PLPPR3: variants seen among roughly 807,000 people sequenced by gnomAD.
PLPPR3 encodes phospholipid phosphatase-related protein type 3.
A neutral mutation model predicts 27.3 loss-of-function variants in PLPPR3; 14 were observed. That is an observed-to-expected ratio of 0.51 (90% confidence interval 0.34 to 0.80). The LOEUF (loss-of-function observed/expected upper bound fraction) is 0.80, where lower values mean the gene tolerates loss of function less well. Among genes scored for constraint, PLPPR3 ranks in the 30% least tolerant of loss-of-function variants. The pLI is 0.01. For missense variants in PLPPR3, 1,287 were observed against 1,056.9 expected (o/e 1.22, Z -3.02); for synonymous variants, 671 against 508.0 (o/e 1.32, Z -4.32).
rs564655165 is a variant in PLPPR3, at chr19:814,767, C to T, written c.600-18G>A. On this transcript the variant is annotated intron_variant, in intron 5 of 7. Coordinates refer to ENST00000520876, the MANE Select transcript of PLPPR3 (RefSeq NM_001270366.2). ...AGGTCTTCCTGTAAGAGGCGTCCAG[C>T]GTGAGCCCCGCCCACCTGGGGACCC... The T allele has an allele frequency of 1.5e-5, 23 of 1,560,920 alleles. No homozygotes were observed. Among genetic ancestry groups the T allele is most frequent in the African/African-American group, 4.0e-5 (3 of 74,464 alleles).
Position 819,064 on chromosome 19 carries a change from C to A in PLPPR3, c.75+2421G>T, listed in dbSNP as rs1465866234. ...CAGTCTCAGCTCACTGCAACCTCCA[C>A]CTCCCGTCCTCAAGCGATTCTCCCA... On this transcript the variant is annotated intron_variant, in intron 2 of 7. Coordinates refer to ENST00000520876, the MANE Select transcript of PLPPR3 (RefSeq NM_001270366.2). Among the ~76,000 whole-genome samples, 2 of 108,872 alleles carry A rather than the reference C, an allele frequency of 1.8e-5. 1 individual carries two copies. The highest frequency in any genetic ancestry group is 8.5e-5 in the African/African-American group (2 of 23,542). 71.4% of individuals were successfully genotyped at this position (108,872 alleles called of 152,430 possible).
At chr19:817,015 C>G (rs1190494291) in intron 2 of PLPPR3, among the ~76,000 whole-genome samples, 2 of 146,794 alleles carry the variant, frequency 1.4e-5, no homozygotes. Flanking sequence ...ACCCACCCAT[C>G]TACCAACCTA....
At position 813,194 on chromosome 19, in the gene PLPPR3, G is replaced by A. The variant is rs1310836007; in HGVS notation, c.1533C>T (p.Ser511=). The part of the protein sequence containing the change: ...AQTGAGLSPK[S]GAGVRAKWLM... Reference sequence around the variant, plus strand: ...GCCACTTGGCGCGCACCCCGGCGCCGCTTTTGGGGGACAGGCCGGCCCCCG... The same window carrying A: ...GCCACTTGGCGCGCACCCCGGCGCCACTTTTGGGGGACAGGCCGGCCCCCG... The change falls in exon 8 of 8, where the codon AGC becomes AGT. Residue 511 remains serine, a synonymous_variant. Coordinates refer to ENST00000520876, the MANE Select transcript of PLPPR3 (RefSeq NM_001270366.2). This position sits in a 1 kb window ranked among gnomAD's most constrained non-coding sequence, Gnocchi z 4.1. 4 of 1,507,078 alleles carry A rather than the reference G, an allele frequency of 2.7e-6. No individual in the cohort carries two copies. The highest frequency in any genetic ancestry group is 2.6e-6 in the Non-Finnish European group (3 of 1,139,702). The allele number at this position is 1,507,078 out of a possible 1,614,324, so 93.4% of individuals were successfully genotyped here. A position where few individuals can be genotyped will look rare whatever the true frequency, so the allele number is the denominator to read the frequency against.
chr19:815,259 G>A lies in PLPPR3; in HGVS notation c.330C>T (p.Ala110=), dbSNP rs775272920. The A allele has an allele frequency of 3.9e-5, 61 of 1,568,388 alleles. No individual in the cohort carries two copies. In the South Asian group the frequency reaches 4.4e-4, roughly 11 times the overall value. Residue 110 remains alanine (A), a synonymous_variant, in exon 4 of 8, where the codon GCC becomes GCT. Transcript: ENST00000520876. ...SRLWGRAGGP[A]GAEGSINAGG... is the part of the protein sequence containing the mutation. ...CGGCGTTGATGCTGCCCTCCGCCCC[G>A]GCGGGCCCCCCGGCACGGCCCCACA...
At chr19:823,639 C>G (rs1462810487), upstream of PLPPR3, among the ~76,000 whole-genome samples, 2 of 152,174 alleles carry the variant, frequency 1.3e-5, no homozygotes, top group African/African-American at 2.4e-5. Flanking sequence ...GGAGGCAGCC[C>G]AGCTTCCTGG....
At chr19:822,583 G>T (rs548595776), upstream of PLPPR3, among the ~76,000 whole-genome samples, 1,353 of 152,266 alleles carry the variant, frequency 8.9e-3, 21 homozygotes, top group African/African-American at 0.03. Context: ...GGCCGCAGCC[G>T]CTCGGTGCGC....
Position 815,074 on chromosome 19 carries a change from G to T in PLPPR3, c.411C>A (p.His137Gln). Reference protein sequence around the residue: ...LRRTVRFVGVHVFGLCATALV... With the variant: ...LRRTVRFVGVQVFGLCATALV... ...GGGCTGTGGCACACAGGCCGAACAC[G>T]TGGACACCTGCAGGGCGGAAGGCTC... Residue 137 changes from histidine (H) to glutamine (Q), a missense_variant, in exon 5 of 8, where the codon CAC becomes CAA. His to Gln is a conservative substitution (Grantham distance 24). Transcript: ENST00000520876. 6.2e-7 allele frequency: 1 copy of T among 1,605,602 alleles called. No homozygotes were observed.
At chr19:823,262 T>A (rs944050647), upstream of PLPPR3, among the ~76,000 whole-genome samples, 9 of 151,182 alleles carry the variant, frequency 6.0e-5, no homozygotes, top group African/African-American at 2.2e-4. Flanking sequence ...GCCAACATGG[T>A]GAAACCCCAT....
At position 821,605 on chromosome 19, in the gene PLPPR3, G is replaced by A. The variant is rs1188029323; in HGVS notation, c.-26-20C>T. On this transcript the variant is annotated intron_variant, in intron 1 of 7. Transcript: ENST00000520876. ...CCGTGGCTGGAGGGGAGAAAGCGGC[G>A]CTGGAGGGGGGCGCGCAGGCGGAGC... The A allele has an allele frequency of 2.1e-6, 3 of 1,408,184 alleles. No individual in the cohort carries two copies. The highest frequency in any genetic ancestry group is 3.1e-5 in the East Asian group (1 of 32,520). The allele number at this position is 1,408,184 out of a possible 1,614,324, so 87.2% of individuals were successfully genotyped here. A position where few individuals can be genotyped will look rare whatever the true frequency, so the allele number is the denominator to read the frequency against.
chr19:813,769 A>G lies in PLPPR3; in HGVS notation c.958T>C (p.Ser320Pro). The G allele has an allele frequency of 6.5e-7, 1 of 1,528,014 alleles. No homozygotes were observed. The highest frequency in any genetic ancestry group is 1.2e-5 in the South Asian group (1 of 83,416). 94.7% of individuals were successfully genotyped at this position (1,528,014 alleles called of 1,614,324 possible). The change falls in exon 8 of 8, where the codon TCG becomes CCG. Residue 320 changes from serine (S) to proline (P), a missense_variant. By Grantham distance (74) the Ser-to-Pro change is moderately conservative (BLOSUM62 -1). Coordinates refer to ENST00000520876, the MANE Select transcript of PLPPR3 (RefSeq NM_001270366.2). The surrounding 1 kb of genome is among the most constrained non-coding windows in gnomAD (Gnocchi z 4.1). ...GHDSVYQQNK[S>P]VSTDELGPPG... The stretch of plus-strand genomic sequence containing the variant: ...GGCCCCAGCTCGTCGGTGCTCACCG[A>G]CTTATTCTGCTGATAAACCGAGTCG...
intron 2 of PLPPR3, among the ~76,000 whole-genome samples, chr19:818,594 C>T (rs911079993): frequency 1.3e-5 from 2 of 151,694 alleles, no homozygotes; most frequent in Non-Finnish European, 2.9e-5. Flanking sequence ...AGTGCAGTGG[C>T]GCGATCTCGG....
Position 814,538 on chromosome 19 carries a change from T to C in PLPPR3, c.727A>G (p.Ile243Val). The C allele has an allele frequency of 6.2e-7, 1 of 1,612,046 alleles. No individual in the cohort carries two copies. Among genetic ancestry groups the C allele is most frequent in the Non-Finnish European group, 8.5e-7 (1 of 1,179,944 alleles). The change falls in exon 7 of 8, where the codon ATC becomes GTC. Residue 243 changes from isoleucine (I) to valine (V), a missense_variant. Coordinates refer to ENST00000520876, the MANE Select transcript of PLPPR3 (RefSeq NM_001270366.2). ...GTGAGCCCGCATACGCCCGCGGCGATGGCAAAGGCGAAGACCAGGATGGGC... is the reference window on the plus strand; with the variant it reads ...GTGAGCCCGCATACGCCCGCGGCGACGGCAAAGGCGAAGACCAGGATGGGC... ...LKPILVFAFA[I>V]AAGVCGLTQI...
upstream of PLPPR3, among the ~76,000 whole-genome samples, chr19:822,182 G>A (rs2035159115): frequency 1.3e-5 from 2 of 151,830 alleles, no homozygotes; most frequent in Non-Finnish European, 2.9e-5. Context: ...AGCGGCTGGC[G>A]GGGCTCGGGG....
Position 813,209 on chromosome 19 carries a change from GC to G in PLPPR3, c.1517del (p.Gly506AlafsTer16). The G allele has an allele frequency of 1.3e-6, 2 of 1,494,396 alleles. No homozygotes were observed. Among genetic ancestry groups the G allele is most frequent in the South Asian group, 1.3e-5 (1 of 79,116 alleles). 92.6% of individuals were successfully genotyped at this position (1,494,396 alleles called of 1,614,324 possible). On this transcript the variant is annotated frameshift_variant, in exon 8 of 8. Transcript: ENST00000520876. LOFTEE classifies it low-confidence loss of function (END_TRUNC). This position sits in a 1 kb window ranked among gnomAD's most constrained non-coding sequence, Gnocchi z 4.1. Reference sequence around the variant, plus strand: ...CCCCGGCGCCGCTTTTGGGGGACAGGCCGGCCCCCGTCTGCGCGCCCTCCTC... The same window carrying G: ...CCCCGGCGCCGCTTTTGGGGGACAGGCGGCCCCCGTCTGCGCGCCCTCCTC... ...IPEEGAQTGA[G>X]LSPKSGAGVR...
rs115968959 is a variant in PLPPR3 at position 813,869 on chromosome 19, C to G, written c.858G>C (p.Gln286His). The G allele has an allele frequency of 4.4e-3, 6,290 of 1,444,254 alleles. 254 individuals are homozygous for G. The African/African-American group carries it at 0.081, about 19-fold the overall frequency. The allele number at this position is 1,444,254 out of a possible 1,614,324, so 89.5% of individuals were successfully genotyped here. A position where few individuals can be genotyped will look rare whatever the true frequency, so the allele number is the denominator to read the frequency against. ...CCGCGGGCTTCTCTGCAGGTGGGGC[C>G]TGGAAGTTGCCCACCGCGTGGCAGG... Reference protein sequence around the residue: ...YLACHAVGNFQAPPAEKPAAP... With the variant: ...YLACHAVGNFHAPPAEKPAAP... Residue 286 changes from glutamine to histidine, a missense_variant, in exon 8 of 8, where the codon CAG (glutamine) becomes CAC (histidine). Transcript: ENST00000520876. The surrounding 1 kb of genome is among the most constrained non-coding windows in gnomAD (Gnocchi z 4.1).
chr19:812,537 GCCC>G lies in PLPPR3; in HGVS notation c.*30_*32del. 1.6e-5 allele frequency: 15 copies of G among 965,774 alleles called. No homozygotes were observed. Among genetic ancestry groups the G allele is most frequent in the Non-Finnish European group, 1.7e-5 (14 of 810,946 alleles). The allele number at this position is 965,774 out of a possible 1,614,324, so 59.8% of individuals were successfully genotyped here. ...ATCCGCGCGGCCGCCCGCGCCCTCG[GCCC>G]GCCCCCCGCCCGCCCCCGGCCCCGC... On this transcript the variant is annotated 3_prime_UTR_variant, in exon 8 of 8. Coordinates refer to ENST00000520876, the MANE Select transcript of PLPPR3 (RefSeq NM_001270366.2).
Position 813,205 on chromosome 19 carries a change from A to T in PLPPR3, c.1522T>A (p.Ser508Thr). Residue 508 changes from serine to threonine, a missense_variant, in exon 8 of 8, where the codon TCC becomes ACC. Transcript: ENST00000520876. This position sits in a 1 kb window ranked among gnomAD's most constrained non-coding sequence, Gnocchi z 4.1. ...EEGAQTGAGL[S>T]PKSGAGVRAK... ...CGCACCCCGGCGCCGCTTTTGGGGG[A>T]CAGGCCGGCCCCCGTCTGCGCGCCC... The T allele has an allele frequency of 6.7e-7, 1 of 1,501,916 alleles. No homozygotes were observed. Among genetic ancestry groups the T allele is most frequent in the Non-Finnish European group, 8.8e-7 (1 of 1,137,490 alleles). The allele number at this position is 1,501,916 out of a possible 1,614,324, so 93.0% of individuals were successfully genotyped here. A position where few individuals can be genotyped will look rare whatever the true frequency, so the allele number is the denominator to read the frequency against.
chr19:818,548 CT>C (rs1168555201), intron 2 of PLPPR3, among the ~76,000 whole-genome samples: 2 of 151,030 alleles, frequency 1.3e-5, no homozygotes, highest in Non-Finnish European at 3.0e-5. Flanking sequence ...TAAATACATA[CT>C]TTTTTTTGGA....
At chr19:823,364 C>T (rs558943855), upstream of PLPPR3, among the ~76,000 whole-genome samples, 16 of 151,212 alleles carry the variant, frequency 1.1e-4, no homozygotes, top group East Asian at 1.2e-3. Flanking sequence ...ATTGCTTGAA[C>T]CTGGGAGGCG....
Sources: allele counts gnomAD v4.1 joint callset (sites outside exome capture counted in the v4.1 genomes callset), GRCh38; gene constraint gnomAD v4.1.1; non-coding constraint Gnocchi (gnomAD v3.1); transcripts MANE v1.5; gene names NCBI Gene and HGNC (gene_info 2026-07-23, HGNC 2026-07-21).